The following ITPK1 variants were observed in gnomAD, a reference collection of about 807,000 sequenced individuals.
ITPK1 encodes the protein inositol-tetrakisphosphate 1-kinase.
A neutral mutation model predicts 45.3 loss-of-function variants in ITPK1; 21 were observed. The observed-to-expected ratio is 0.46, with a 90% CI of 0.33 to 0.67. ITPK1 has a LOEUF of 0.67. ITPK1 is among the 30% of genes least tolerant of loss of function. The probability of loss-of-function intolerance (pLI) is 0.02; values close to 1 mark genes in which losing one functional copy is unlikely to be tolerated. For synonymous variants in ITPK1, 258 were observed against 253.6 expected (o/e 1.02, Z -0.16); for missense variants, 474 against 573.5 (o/e 0.83, Z 1.77).
intron 5 of ITPK1, among the ~76,000 whole-genome samples, chr14:92,964,967 A>C (rs1338465161): frequency 2.0e-5 from 3 of 152,086 alleles, no homozygotes; most frequent in Non-Finnish European, 4.4e-5. Flanking sequence ...ACAAGGAAGC[A>C]CTCCTGTCCC....
Position 92,938,586 on chromosome 14 carries a change from A to G in ITPK1, c.*2975T>C. On this transcript the variant is annotated 3_prime_UTR_variant, in exon 11 of 11. Transcript: ENST00000267615. The stretch of plus-strand genomic sequence containing the variant: ...TTTCTCCTTTATTGACAGGCATGAG[A>G]CACAGGCAGGCCCAGGCACAGGAAG... 1 of 1,400,678 alleles carries G rather than the reference A, an allele frequency of 7.1e-7. No individual in the cohort carries two copies. Among genetic ancestry groups the G allele is most frequent in the East Asian group, 2.3e-5 (1 of 43,546 alleles). The allele number at this position is 1,400,678 out of a possible 1,614,324, so 86.8% of individuals were successfully genotyped here. A position where few individuals can be genotyped will look rare whatever the true frequency, so the allele number is the denominator to read the frequency against.
intron 2 of ITPK1, among the ~76,000 whole-genome samples, chr14:93,079,239 C>T: frequency 6.6e-6 from 1 of 152,188 alleles, no homozygotes; most frequent in South Asian, 2.1e-4. Context: ...GGGTTGATCT[C>T]CCAGGAGCCA....
intron 8 of ITPK1, among the ~76,000 whole-genome samples, chr14:92,955,906 C>A (rs992813481): frequency 1.3e-5 from 2 of 152,212 alleles, no homozygotes; most frequent in Non-Finnish European, 2.9e-5. Context: ...GCTTAAAAGG[C>A]TGCTGTTGCA....
intron 5 of ITPK1, among the ~76,000 whole-genome samples, chr14:92,963,573 G>A (rs572492078): frequency 4.6e-5 from 7 of 152,270 alleles, no homozygotes; most frequent in South Asian, 2.1e-4. Flanking sequence ...CCCAGGCCGC[G>A]CCTGGTCCCC....
chr14:93,018,361 C>A (rs541747243), intron 3 of ITPK1, among the ~76,000 whole-genome samples: 1 of 152,018 alleles, frequency 6.6e-6, no homozygotes, highest in Non-Finnish European at 1.5e-5. Context: ...TTGTTAGCAC[C>A]GGGGAACTTT....
Position 93,088,641 on chromosome 14 carries a change from C to T in ITPK1, c.96-12022G>A, listed in dbSNP as rs897488322. On this transcript the variant is annotated intron_variant, in intron 2 of 10. Transcript: ENST00000267615. ...AAAGTGCTAGGATTACAGGCATGAG[C>T]CTCTGCACCAGGCCTCTTTTTTTAT... Among the ~76,000 whole-genome samples, 10 of 152,036 alleles carry T rather than the reference C, an allele frequency of 6.6e-5. No individual in the cohort carries two copies. In the East Asian group the frequency reaches 1.9e-3, roughly 29 times the overall value.
intron 5 of ITPK1, among the ~76,000 whole-genome samples, chr14:92,966,928 G>A (rs11851653): frequency 0.022 from 3,382 of 152,216 alleles, 123 homozygotes; most frequent in African/African-American, 0.078. Flanking sequence ...ACTTCACATC[G>A]TATACAAAAT....
rs1891214068 is a variant in ITPK1 at position 93,076,272 on chromosome 14, C to T, written c.120+323G>A. Among the ~76,000 whole-genome samples the T allele has an allele frequency of 6.6e-6, 1 of 152,092 alleles. No individual in the cohort carries two copies. The highest frequency in any genetic ancestry group is 2.1e-4 in the South Asian group (1 of 4,830). ...CACAGAGCACAAGACAACTGGACAT[C>T]TAGCTGGGTGCCTACTGCCCCCTCA... On this transcript the variant is annotated intron_variant, in intron 3 of 10. Transcript: ENST00000267615. This position sits in a 1 kb window ranked among gnomAD's most constrained non-coding sequence, Gnocchi z 4.3.
rs369877050 is a variant in ITPK1, at chr14:93,060,187, C to T, written c.120+16408G>A. Among the ~76,000 whole-genome samples the T allele has an allele frequency of 3.9e-5, 6 of 152,250 alleles. No homozygotes were observed. In the East Asian group the frequency reaches 5.8e-4, roughly 15 times the overall value. ...TGCGACACTTTCTTCACCTTACCTG[C>T]GGCCCAAGAAGCAGAACAGCTCCTC... On this transcript the variant is annotated intron_variant, in intron 3 of 10. Transcript: ENST00000267615.
intron 3 of ITPK1, among the ~76,000 whole-genome samples, chr14:93,037,609 G>C (rs557428458): frequency 6.6e-6 from 1 of 152,236 alleles, no homozygotes; most frequent in African/African-American, 2.4e-5. Context: ...TCCTACTGGC[G>C]AGCCCGGGGC....
At chr14:93,003,294 T>A (rs1186374476) in intron 4 of ITPK1, among the ~76,000 whole-genome samples, 2 of 152,188 alleles carry the variant, frequency 1.3e-5, no homozygotes, top group Non-Finnish European at 2.9e-5. Flanking sequence ...GAAGGACAAG[T>A]AATGAACCCT....
intron 5 of ITPK1, among the ~76,000 whole-genome samples, chr14:92,986,097 G>A (rs186090706): frequency 7.9e-4 from 121 of 152,336 alleles, no homozygotes; most frequent in African/African-American, 2.8e-3. Context: ...AAGGTGCTGA[G>A]TGGTCCTGGG....
chr14:92,996,267 A>G (rs140069198), intron 4 of ITPK1, among the ~76,000 whole-genome samples: 2 of 152,342 alleles, frequency 1.3e-5, no homozygotes, highest in African/African-American at 4.8e-5. Context: ...AAAGAAAAAT[A>G]AATGTCAACA....
chr14:92,969,073 C>T (rs1332822885), intron 5 of ITPK1, among the ~76,000 whole-genome samples: 1 of 152,112 alleles, frequency 6.6e-6, no homozygotes, highest in Non-Finnish European at 1.5e-5. Context: ...AAAAGCATCC[C>T]GACACACCCA....
chr14:93,109,001 A>C (rs2140036411), intron 2 of ITPK1, among the ~76,000 whole-genome samples: 1 of 152,320 alleles, frequency 6.6e-6, no homozygotes, highest in East Asian at 1.9e-4. Flanking sequence ...CGACAGAGGG[A>C]GACTCTGTCT....
chr14:93,015,353 C>G (rs1449524334), intron 4 of ITPK1, among the ~76,000 whole-genome samples: 1 of 152,212 alleles, frequency 6.6e-6, no homozygotes, highest in Non-Finnish European at 1.5e-5. Context: ...CTGATCAGCC[C>G]AGCCCTGGCA....
rs759035084 is a variant in ITPK1, at chr14:92,941,817, G to A, written c.989C>T (p.Thr330Ile). The change falls in exon 11 of 11, where the codon ACA (threonine) becomes ATA (isoleucine). Residue 330 changes from threonine (T) to isoleucine (I), a missense_variant. Around this residue, in one of 2 missense-constraint regions of ITPK1, gnomAD observed 367 missense variants for 480.6 expected, o/e 0.76. Transcript: ENST00000267615. The stretch of plus-strand genomic sequence containing the variant: ...GTGCCTCAGCAGGGCCACGTCCCCT[G>A]TGGCTGCCATGGCTGTGCTCTGGCC... ...LQGQSTAMAA[T>I]GDVALLRHSK... The A allele has an allele frequency of 3.0e-5, 49 of 1,611,808 alleles. No homozygotes were observed. The highest frequency in any genetic ancestry group is 4.2e-5 in the Non-Finnish European group (49 of 1,179,780).
intron 3 of ITPK1, among the ~76,000 whole-genome samples, chr14:93,049,116 G>A (rs957973153): frequency 1.3e-5 from 2 of 152,210 alleles, no homozygotes; most frequent in Non-Finnish European, 2.9e-5. Context: ...GAGAAGTGAA[G>A]ATCTGCTGAG....
chr14:93,060,371 C>A (rs1402377030), intron 3 of ITPK1, among the ~76,000 whole-genome samples: 1 of 151,784 alleles, frequency 6.6e-6, no homozygotes, highest in East Asian at 1.9e-4. Flanking sequence ...GGAACACGTT[C>A]TGGGTCACCA....
Sources: allele counts gnomAD v4.1 joint callset (sites outside exome capture counted in the v4.1 genomes callset), GRCh38; gene constraint gnomAD v4.1.1; regional missense constraint gnomAD v4.1.1; non-coding constraint Gnocchi (gnomAD v3.1); transcripts MANE v1.5; gene names NCBI Gene and HGNC (gene_info 2026-07-23, HGNC 2026-07-21).